GALC: variants seen among roughly 807,000 people sequenced by gnomAD.
GALC encodes the protein galactocerebrosidase.
GALC carries 77 observed loss-of-function variants against 91.8 expected under a neutral mutation model. The ratio of observed to expected loss-of-function variants is 0.84; its 90% CI spans 0.70 to 1.01. GALC has a LOEUF of 1.01. GALC is among the 50% of genes least tolerant of loss of function. The pLI, the probability that GALC is intolerant of heterozygous loss-of-function variation, is 0.00. For synonymous variants in GALC, 357 were observed against 306.7 expected (o/e 1.16, Z -1.71); for missense variants, 882 against 855.9 (o/e 1.03, Z -0.38).
upstream of GALC, chr14:87,993,202 G>A (rs1193568995): frequency 6.4e-7 from 1 of 1,556,584 alleles, no homozygotes; most frequent in Non-Finnish European, 8.7e-7. Context: ...AGGGAGGCGG[G>A]TCCCGTCGCC....
intron 5 of GALC, among the ~76,000 whole-genome samples, chr14:87,983,343 T>C (rs1025189743): frequency 1.2e-4 from 18 of 152,060 alleles, no homozygotes; most frequent in African/African-American, 4.1e-4. Context: ...AGTTCTCAAA[T>C]ATAAACTAAT....
chr14:87,948,666 CAG>C (rs1399540691), intron 12 of GALC, among the ~76,000 whole-genome samples: 1 of 95,914 alleles, frequency 1.0e-5, no homozygotes, highest in Non-Finnish European at 2.2e-5. Flanking sequence ...AATTGATGAT[CAG>C]ATCTATGAAA....
At position 87,984,478 on chromosome 14, in the gene GALC, G is replaced by C; in HGVS notation, c.498C>G (p.Val166=). Residue 166 remains valine, a synonymous_variant, in exon 5 of 17, where the codon GTC becomes GTG. Coordinates refer to ENST00000261304, the MANE Select transcript of GALC (RefSeq NM_000153.4). Reference sequence around the variant, plus strand: ...CATAATAGGCAGTCAGCTGAAGATTGACATAAGGCCAGTCGAAACCTTTTC... The same window carrying C: ...CATAATAGGCAGTCAGCTGAAGATTCACATAAGGCCAGTCGAAACCTTTTC... ...WLGKGFDWPY[V]NLQLTAYYVV... is the part of the protein sequence containing the mutation. The C allele has an allele frequency of 6.2e-7, 1 of 1,614,108 alleles. No homozygotes were observed. Among genetic ancestry groups the C allele is most frequent in the South Asian group, 1.1e-5 (1 of 91,076 alleles).
At chr14:87,954,578 A>G (rs1885441119) in intron 10 of GALC, 1 of 1,573,958 alleles carries the variant, frequency 6.4e-7, no homozygotes, top group Non-Finnish European at 8.7e-7. Flanking sequence ...AATTACATTT[A>G]AAGCAAAATT....
intron 10 of GALC, chr14:87,959,586 G>A (rs1885710218): frequency 6.6e-6 from 1 of 152,182 alleles, no homozygotes; most frequent in South Asian, 2.1e-4. Flanking sequence ...CAGGTGTGGT[G>A]GCAGACGCCT....
chr14:87,992,721 T>TA, intron 1 of GALC: 1 of 1,428,432 alleles, frequency 7.0e-7, no homozygotes, highest in Non-Finnish European at 9.1e-7. Flanking sequence ...TCTGCACCTA[T>TA]ACTCTCTGGA....
At chr14:87,990,585 T>A (rs1887157720) in intron 1 of GALC, among the ~76,000 whole-genome samples, 1 of 152,234 alleles carries the variant, frequency 6.6e-6, no homozygotes, top group African/African-American at 2.4e-5. Flanking sequence ...ATAGGCACAC[T>A]AATATATCCT....
In GALC at chr14:87,947,714, T is replaced by A; in HGVS notation, c.1489+14A>T. The A allele has an allele frequency of 6.2e-7, 1 of 1,610,806 alleles. No homozygotes were observed. The highest frequency in any genetic ancestry group is 2.2e-5 in the East Asian group (1 of 44,818). On this transcript the variant is annotated intron_variant, in intron 13 of 16. Coordinates refer to ENST00000261304, the MANE Select transcript of GALC (RefSeq NM_000153.4). Reference sequence around the variant, plus strand: ...ATATAGAGACCAAGTTAAGTTTTAGTGAAAAATACTCACCAACATTGAAAT... The same window carrying A: ...ATATAGAGACCAAGTTAAGTTTTAGAGAAAAATACTCACCAACATTGAAAT...
At chr14:87,988,600 C>T in intron 1 of GALC, 77 bp from the exon 2 acceptor site, 1 of 1,010,352 alleles carries the variant, frequency 9.9e-7, no homozygotes, top group South Asian at 1.3e-5. Flanking sequence ...TCACGCACAC[C>T]ACCTGGTATA....
chr14:87,987,868 G>GTA, intron 3 of GALC: 1 of 433,318 alleles, frequency 2.3e-6, no homozygotes, highest in East Asian at 4.3e-5. Context: ...GCTCTGTCCT[G>GTA]TATATATAGG....
chr14:87,943,297 A>T (rs1228649415), intron 14 of GALC, among the ~76,000 whole-genome samples: 2 of 152,028 alleles, frequency 1.3e-5, no homozygotes, highest in African/African-American at 4.8e-5. Flanking sequence ...AATGCTCACT[A>T]TCAAGATAGA....
intron 7 of GALC, among the ~76,000 whole-genome samples, chr14:87,973,348 T>C (rs1201342964): frequency 1.3e-5 from 2 of 149,688 alleles, no homozygotes; most frequent in Non-Finnish European, 3.0e-5. Context: ...TGTTTAATGG[T>C]AGAGTGAGAT....
intron 8 of GALC, among the ~76,000 whole-genome samples, chr14:87,966,787 T>C (rs1161720227): frequency 2.6e-5 from 4 of 152,112 alleles, no homozygotes; most frequent in Non-Finnish European, 4.4e-5. Context: ...CCTAAGAAAA[T>C]AGTCATGGGC....
intron 10 of GALC, among the ~76,000 whole-genome samples, chr14:87,956,509 T>C (rs111962063): frequency 0.057 from 8,454 of 148,206 alleles, 596 homozygotes; most frequent in African/African-American, 0.17. Context: ...GAGTATTTCA[T>C]GATGTGTGTG....
intron 6 of GALC, among the ~76,000 whole-genome samples, chr14:87,978,158 TCTC>T (rs1886582901): frequency 6.6e-6 from 1 of 152,160 alleles, no homozygotes; most frequent in South Asian, 2.1e-4. Flanking sequence ...GATCAGCAAT[TCTC>T]CTGCCTCAGC....
intron 1 of GALC, 150 bp from the exon 2 acceptor site, chr14:87,988,673 C>T (rs1887072295): frequency 7.2e-6 from 5 of 698,946 alleles, no homozygotes; most frequent in Middle Eastern, 7.0e-4. Context: ...GTCTGTCTGC[C>T]CTTTCTGTGC....
rs17797981 is a variant in GALC at position 87,982,107 on chromosome 14, A to G, written c.621+98T>C. The stretch of plus-strand genomic sequence containing the variant: ...ATAACTGTAGTATAAAAAATACGGT[A>G]TTTCCAACACAAATTTCCTACTATT... On this transcript the variant is annotated intron_variant, in intron 6 of 16. Transcript: ENST00000261304. 84,877 of 676,590 alleles carry G rather than the reference A, an allele frequency of 0.13. 6,084 individuals carry two copies. Among genetic ancestry groups the G allele is most frequent in the Middle Eastern group, 0.16 (504 of 3,152 alleles). The allele number at this position is 676,590 out of a possible 1,614,324, so 41.9% of individuals were successfully genotyped here.
At chr14:87,971,212 C>T (rs1486712467) in intron 7 of GALC, among the ~76,000 whole-genome samples, 1 of 152,066 alleles carries the variant, frequency 6.6e-6, no homozygotes, top group African/African-American at 2.4e-5. Context: ...CCAGGAGCCT[C>T]GCAGCATCAG....
At position 87,934,187 on chromosome 14, in the gene GALC, T is replaced by A; in HGVS notation, c.*545A>T. The stretch of plus-strand genomic sequence containing the variant: ...CATCATATCCTGCATTTCAAAAGTA[T>A]CATCTTAAAAAGGAAAATAAAAAAA... On this transcript the variant is annotated 3_prime_UTR_variant, in exon 17 of 17. Transcript: ENST00000261304. 7.2e-7 allele frequency: 1 copy of A among 1,396,028 alleles called. No individual in the cohort carries two copies. Among genetic ancestry groups the A allele is most frequent in the Non-Finnish European group, 9.3e-7 (1 of 1,078,810 alleles). 86.5% of individuals were successfully genotyped at this position (1,396,028 alleles called of 1,614,324 possible).
Sources: gnomAD v4.1 joint callset for allele counts (sites outside exome capture counted in the v4.1 genomes callset) on GRCh38, gnomAD v4.1.1 for gene constraint, MANE v1.5 for transcripts, NCBI Gene and HGNC (gene_info 2026-07-23, HGNC 2026-07-21) for gene names.